Variants in RBM23 observed in about 807,000 individuals in gnomAD.
RBM23 encodes probable RNA-binding protein 23.
A neutral mutation model predicts 56.2 loss-of-function variants in RBM23; 53 were observed. The observed-to-expected ratio is 0.94, with a 90% CI of 0.76 to 1.19. The LOEUF (loss-of-function observed/expected upper bound fraction) is 1.19. Among genes scored for constraint, RBM23 ranks in the 50% most tolerant of loss-of-function variants. RBM23 has a pLI of 0.00. For synonymous variants in RBM23, 197 were observed against 198.5 expected (o/e 0.99, Z 0.06); for missense variants, 642 against 590.3 (o/e 1.09, Z -0.91).
intron 1 of RBM23, chr14:22,912,015 G>A (rs2042614502): frequency 6.6e-6 from 1 of 152,212 alleles, no homozygotes; most frequent in Non-Finnish European, 1.5e-5. Context: ...ATACAACACT[G>A]ATCCTGTTCT....
At chr14:22,907,769 G>C (rs1413272874) in intron 4 of RBM23, among the ~76,000 whole-genome samples, 1 of 152,168 alleles carries the variant, frequency 6.6e-6, no homozygotes, top group Non-Finnish European at 1.5e-5. Flanking sequence ...TGTTACAGCA[G>C]AGTACAACTC....
At chr14:22,917,150 G>A (rs2043670756) in intron 1 of RBM23, 2 of 152,052 alleles carry the variant, frequency 1.3e-5, no homozygotes. Context: ...TTACAGACAT[G>A]AGCCACCGAG....
intron 10 of RBM23, chr14:22,903,746 G>C (rs1212391656): frequency 9.9e-7 from 1 of 1,006,974 alleles, no homozygotes; most frequent in Middle Eastern, 5.1e-4. Context: ...CATTTTGTTG[G>C]AATGTCAGGA....
chr14:22,911,825 C>A, intron 1 of RBM23: 1 of 153,696 alleles, frequency 6.5e-6, no homozygotes, highest in Non-Finnish European at 1.5e-5. Flanking sequence ...GCAGGAGAAT[C>A]ACTTGAACCC....
intron 10 of RBM23, chr14:22,903,866 A>G (rs939798759): frequency 8.7e-7 from 1 of 1,148,890 alleles, no homozygotes. Flanking sequence ...GTAGCACCAG[A>G]GGGAAGTATA....
At chr14:22,909,702 T>C (rs1282162668) in intron 2 of RBM23, 107 bp from the exon 3 acceptor site, 25 of 792,680 alleles carry the variant, frequency 3.2e-5, no homozygotes, top group Non-Finnish European at 5.3e-5. Context: ...AACCACTTGA[T>C]TATCTAGCCA....
chr14:22,918,051 G>A (rs2043868410), intron 1 of RBM23, among the ~76,000 whole-genome samples: 1 of 152,108 alleles, frequency 6.6e-6, no homozygotes, highest in African/African-American at 2.4e-5. Context: ...CAATGAGAAC[G>A]ATAAAAGCTA....
intron 1 of RBM23, among the ~76,000 whole-genome samples, chr14:22,915,349 C>T (rs992362580): frequency 6.6e-5 from 10 of 151,606 alleles, no homozygotes; most frequent in African/African-American, 2.2e-4. Flanking sequence ...TACAGGCATG[C>T]GCCACCACAT....
chr14:22,912,307 C>T (rs901824907), intron 1 of RBM23, among the ~76,000 whole-genome samples: 1 of 152,198 alleles, frequency 6.6e-6, no homozygotes, highest in Non-Finnish European at 1.5e-5. Context: ...TCTCCGCATA[C>T]CCTGAACACC....
rs538911923 is a variant in RBM23, at chr14:22,913,240, C to G, written c.-10-1837G>C. 1.5e-4 allele frequency among the ~76,000 whole-genome samples: 22 copies of G among 150,946 alleles called. No individual in the cohort carries two copies. In the East Asian group the frequency reaches 4.3e-3, roughly 30 times the overall value. On this transcript the variant is annotated intron_variant, in intron 1 of 13. Transcript: ENST00000359890. ...CCATCCTGGCTAACACAGTGAAACC[C>G]TGTCTCTACTAAAAATACAAAATAT...
At chr14:22,906,433 C>A in intron 4 of RBM23, 65 bp from the exon 5 acceptor site, 2 of 1,561,072 alleles carry the variant, frequency 1.3e-6, no homozygotes, top group Admixed American at 1.7e-5. Context: ...AGTGCATATA[C>A]AACAGTGGTC....
In RBM23 at chr14:22,904,884, G is replaced by C. The variant is rs1359914424; in HGVS notation, c.855C>G (p.Pro285=). ...TEDMLRGIFE[P]FGKIDNIVLM... ...TCTCACTTCTACTCACTTTACCAAA[G>C]GGCTCAAAGATGCCCCGGAGCATGT... Residue 285 remains proline, a synonymous_variant, in exon 9 of 14, where the codon CCC becomes CCG. Transcript: ENST00000359890. 1 of 1,613,994 alleles carries C rather than the reference G, an allele frequency of 6.2e-7. No individual in the cohort carries two copies. Among genetic ancestry groups the C allele is most frequent in the African/African-American group, 1.3e-5 (1 of 74,918 alleles).
chr14:22,912,319 A>G (rs557171387), intron 1 of RBM23, among the ~76,000 whole-genome samples: 10 of 152,304 alleles, frequency 6.6e-5, no homozygotes, highest in African/African-American at 2.4e-4. Context: ...CTGAACACCA[A>G]TAATTAGGGC....
rs1188375794 is a variant in RBM23, at chr14:22,900,777, G to GTT, written c.*951_*952dup. On this transcript the variant is annotated 3_prime_UTR_variant, in exon 14 of 14. Coordinates refer to ENST00000359890, the MANE Select transcript of RBM23 (RefSeq NM_001077351.2). ...GGAGGAGGCTTGCCTTTTGTACAAA[G>GTT]TTTTTATGTATATATATATGTATAT... 1 of 131,074 alleles carries GTT rather than the reference G, an allele frequency of 7.6e-6. No homozygotes were observed. The highest frequency in any genetic ancestry group is 3.3e-5 in the African/African-American group (1 of 30,514). 8.1% of individuals were successfully genotyped at this position (131,074 alleles called of 1,614,324 possible).
rs893593793 is a variant in RBM23 at position 22,899,113 on chromosome 14, T to G, written c.*2617A>C. 6.6e-6 allele frequency: 1 copy of G among 152,170 alleles called. No individual in the cohort carries two copies. The highest frequency in any genetic ancestry group is 2.4e-5 in the African/African-American group (1 of 41,424). The allele number at this position is 152,170 out of a possible 1,614,324, so 9.4% of individuals were successfully genotyped here. A position where few individuals can be genotyped will look rare whatever the true frequency, so the allele number is the denominator to read the frequency against. On this transcript the variant is annotated 3_prime_UTR_variant, in exon 14 of 14. Coordinates refer to ENST00000359890, the MANE Select transcript of RBM23 (RefSeq NM_001077351.2). ...GAATGTGTCCCCCAAAAGTTCACATTGGAAATTTGACTCCCAATGCAACAG... is the reference window on the plus strand; with the variant it reads ...GAATGTGTCCCCCAAAAGTTCACATGGGAAATTTGACTCCCAATGCAACAG...
intron 2 of RBM23, among the ~76,000 whole-genome samples, chr14:22,910,174 A>AAAAAAAAAAAAAC: frequency 7.5e-6 from 1 of 132,548 alleles, no homozygotes; most frequent in Non-Finnish European, 1.6e-5. Context: ...AAAAAAAAAA[A>AAAAAAAAAAAAAC]AAAGAGGCTG....
Position 22,905,394 on chromosome 14 carries a change from T to A in RBM23, c.515A>T (p.Gln172Leu), listed in dbSNP as rs767569714. The part of the protein sequence containing the change: ...ERDARTVFCM[Q>L]LAARIRPRDL... The stretch of plus-strand genomic sequence containing the variant: ...TCGAGGCCGAATTCGGGCAGCTAAC[T>A]GCATACAGAAAACTGTGCGGGCATC... The change falls in exon 7 of 14, where the codon CAG becomes CTG. Residue 172 changes from glutamine (Q) to leucine (L), a missense_variant. Transcript: ENST00000359890. 5.6e-6 allele frequency: 9 copies of A among 1,614,020 alleles called. No individual in the cohort carries two copies. The highest frequency in any genetic ancestry group is 1.6e-4 in the Middle Eastern group (1 of 6,084).
At chr14:22,917,868 C>G (rs1431160434) in intron 1 of RBM23, 1 of 152,200 alleles carries the variant, frequency 6.6e-6, no homozygotes, top group African/African-American at 2.4e-5. Flanking sequence ...ATAGCACAAG[C>G]CAACAGATAG....
At position 22,901,826 on chromosome 14, in the gene RBM23, G is replaced by A. The variant is rs751931694; in HGVS notation, c.1304C>T (p.Thr435Ile). Reference sequence around the variant, plus strand: ...CCCTGAGACTCACATGGTCTGGGGGGTAAAGAGGCTGGAGAGCTGGAAACA... The same window carrying A: ...CCCTGAGACTCACATGGTCTGGGGGATAAAGAGGCTGGAGAGCTGGAAACA... The part of the protein sequence containing the change: ...SQCFQLSSLF[T>I]PQTM Residue 435 changes from threonine to isoleucine, a missense_variant, in exon 13 of 14, where the codon ACC (threonine) becomes ATC (isoleucine). Coordinates refer to ENST00000359890, the MANE Select transcript of RBM23 (RefSeq NM_001077351.2). The A allele has an allele frequency of 6.2e-7, 1 of 1,614,206 alleles. No homozygotes were observed. Among genetic ancestry groups the A allele is most frequent in the African/African-American group, 1.3e-5 (1 of 75,048 alleles).
Sources: allele counts gnomAD v4.1 joint callset (sites outside exome capture counted in the v4.1 genomes callset), GRCh38; gene constraint gnomAD v4.1.1; transcripts MANE v1.5; gene names NCBI Gene and HGNC (gene_info 2026-07-23, HGNC 2026-07-21).